PIK3CB: variants seen among roughly 807,000 people sequenced by gnomAD.
PIK3CB encodes the protein phosphatidylinositol-4,5-bisphosphate 3-kinase catalytic subunit beta, also known as phosphatidylinositol 4,5-bisphosphate 3-kinase catalytic subunit beta isoform.
In PIK3CB, 39 loss-of-function variants were observed where a neutral mutation model predicts 136.8. That is an observed-to-expected ratio of 0.29 (90% CI 0.22 to 0.37). The LOEUF (loss-of-function observed/expected upper bound fraction) is 0.37. Among genes scored for constraint, PIK3CB ranks in the 10% least tolerant of loss-of-function variants. PIK3CB has a pLI of 1.00. For synonymous variants in PIK3CB, 428 were observed against 436.6 expected (o/e 0.98, Z 0.25); for missense variants, 868 against 1,275.4 (o/e 0.68, Z 4.87).
intron 4 of PIK3CB, among the ~76,000 whole-genome samples, chr3:138,743,967 A>G (rs2045294528): frequency 6.6e-6 from 1 of 152,254 alleles, no homozygotes; most frequent in Non-Finnish European, 1.5e-5. Context: ...TATGTTATAC[A>G]TGTTATATAC....
At chr3:138,671,155 A>C (rs1289823245) in intron 19 of PIK3CB, among the ~76,000 whole-genome samples, 1 of 152,184 alleles carries the variant, frequency 6.6e-6, no homozygotes, top group Non-Finnish European at 1.5e-5. Context: ...CTTTGTTTAA[A>C]ACCTCTAGCA....
intron 5 of PIK3CB, among the ~76,000 whole-genome samples, 165 bp downstream of exon 5, chr3:138,742,393 T>C (rs2045263504): frequency 6.6e-6 from 1 of 152,226 alleles, no homozygotes; most frequent in African/African-American, 2.4e-5. Context: ...AATATCACTT[T>C]AGACTATTAT....
At position 138,705,174 on chromosome 3, in the gene PIK3CB, CAAA is replaced by C. The variant is rs1159172292; in HGVS notation, c.1531-684_1531-682del. 5.3e-5 allele frequency among the ~76,000 whole-genome samples: 3 copies of C among 57,062 alleles called. 1 individual carries two copies. The East Asian group carries it at 3.6e-3, about 68-fold the overall frequency. The allele number at this position is 57,062 out of a possible 152,430, so 37.4% of individuals were successfully genotyped here. On this transcript the variant is annotated intron_variant, in intron 11 of 23. Coordinates refer to ENST00000674063, the MANE Select transcript of PIK3CB (RefSeq NM_006219.3). Reference sequence around the variant, plus strand: ...GAAAGGCAAAAAAAAAAAAAAAAAACAAAAAACAAAACAAACAAAAAAAAAAAC... The same window carrying C: ...GAAAGGCAAAAAAAAAAAAAAAAAACAAACAAAACAAACAAAAAAAAAAAC...
chr3:138,790,968 CA>C, intron 2 of PIK3CB, among the ~76,000 whole-genome samples: 1 of 151,536 alleles, frequency 6.6e-6, no homozygotes. Context: ...ACCTCAAAAA[CA>C]AAACAAAACA....
chr3:138,805,567 GA>G (rs2046224749), intron 1 of PIK3CB, among the ~76,000 whole-genome samples: 1 of 150,394 alleles, frequency 6.6e-6, no homozygotes, highest in Admixed American at 6.6e-5. Context: ...AGCTACTCAG[GA>G]GGATGAGGCA....
At chr3:138,809,365 G>A (rs2108864406) in intron 1 of PIK3CB, among the ~76,000 whole-genome samples, 1 of 151,168 alleles carries the variant, frequency 6.6e-6, no homozygotes, top group South Asian at 2.1e-4. Context: ...CAGCACTTTG[G>A]GAGGCCGAGG....
At chr3:138,693,992 A>ATATATATATATT (rs2044081593) in intron 14 of PIK3CB, among the ~76,000 whole-genome samples, 5 of 113,326 alleles carry the variant, frequency 4.4e-5, no homozygotes, top group Non-Finnish European at 9.1e-5. Context: ...ATATATATAT[A>ATATATATATATT]TTTTAAACCC....
At chr3:138,817,407 T>C (rs893336911) in intron 1 of PIK3CB, among the ~76,000 whole-genome samples, 13 of 151,990 alleles carry the variant, frequency 8.6e-5, no homozygotes, top group African/African-American at 2.2e-4. Context: ...TCCCAGCTAC[T>C]TGGGAGGCTG....
At chr3:138,713,740 T>C (rs972979003) in intron 9 of PIK3CB, among the ~76,000 whole-genome samples, 12 of 152,008 alleles carry the variant, frequency 7.9e-5, no homozygotes, top group African/African-American at 2.4e-4. Flanking sequence ...TTTAAAAACA[T>C]ATAAAATTAA....
At chr3:138,741,334 A>G (rs774307863) in intron 5 of PIK3CB, among the ~76,000 whole-genome samples, 2 of 152,220 alleles carry the variant, frequency 1.3e-5, no homozygotes, top group African/African-American at 4.8e-5. Flanking sequence ...CAGTCTCTTC[A>G]CTGTAAGATG....
At chr3:138,669,398 A>G (rs2043483166) in intron 19 of PIK3CB, among the ~76,000 whole-genome samples, 1 of 107,842 alleles carries the variant, frequency 9.3e-6, no homozygotes, top group African/African-American at 3.7e-5. Context: ...ATACAGTGAG[A>G]CCCTGTTTCA....
chr3:138,753,607 G>A (rs1487622296), intron 4 of PIK3CB, among the ~76,000 whole-genome samples: 1 of 152,104 alleles, frequency 6.6e-6, no homozygotes, highest in East Asian at 1.9e-4. Context: ...AAGGCAGGTG[G>A]ATCACTTGAG....
At chr3:138,688,499 A>AC (rs1455990197) in intron 16 of PIK3CB, among the ~76,000 whole-genome samples, 1 of 106,016 alleles carries the variant, frequency 9.4e-6, no homozygotes, top group Non-Finnish European at 2.0e-5. Context: ...AGACTCTGTC[A>AC]CAAAAAAAAA....
At chr3:138,685,631 CA>C (rs761249718) in intron 16 of PIK3CB, among the ~76,000 whole-genome samples, 3 of 151,936 alleles carry the variant, frequency 2.0e-5, no homozygotes, top group Non-Finnish European at 4.4e-5. Flanking sequence ...TATGATATCT[CA>C]ATATATTCTA....
intron 2 of PIK3CB, among the ~76,000 whole-genome samples, chr3:138,772,674 A>G (rs2045813650): frequency 6.7e-6 from 1 of 148,332 alleles, no homozygotes; most frequent in African/African-American, 2.5e-5. Flanking sequence ...GTTTCGCTAC[A>G]TATTCCCCAG....
intron 2 of PIK3CB, among the ~76,000 whole-genome samples, chr3:138,780,340 G>A (rs949006251): frequency 1.3e-5 from 2 of 151,164 alleles, no homozygotes; most frequent in African/African-American, 2.4e-5. Context: ...GTGCAATCTC[G>A]GCTCACTGCA....
At chr3:138,686,405 C>T (rs979378960) in intron 16 of PIK3CB, among the ~76,000 whole-genome samples, 1 of 152,066 alleles carries the variant, frequency 6.6e-6, no homozygotes, top group African/African-American at 2.4e-5. Context: ...TGCCACTGTA[C>T]TCCAGCCTGG....
intron 8 of PIK3CB, among the ~76,000 whole-genome samples, chr3:138,725,223 C>T (rs1490393259): frequency 6.6e-6 from 1 of 151,118 alleles, no homozygotes; most frequent in East Asian, 1.9e-4. Flanking sequence ...GATACAAGTT[C>T]CTTGGGTTAT....
intron 11 of PIK3CB, among the ~76,000 whole-genome samples, chr3:138,705,356 G>A (rs1037187444): frequency 7.2e-5 from 11 of 151,824 alleles, no homozygotes; most frequent in Admixed American, 7.2e-4. Context: ...AGTAGCTATG[G>A]CTTATGGATA....
Sources: gnomAD v4.1 joint callset for allele counts (sites outside exome capture counted in the v4.1 genomes callset) on GRCh38, gnomAD v4.1.1 for gene constraint, MANE v1.5 for transcripts, NCBI Gene and HGNC (gene_info 2026-07-23, HGNC 2026-07-21) for gene names.